The following PARP11 variants were observed in gnomAD, a reference collection of about 807,000 sequenced individuals.
The protein encoded by PARP11 is protein mono-ADP-ribosyltransferase PARP11.
PARP11 carries 31 observed loss-of-function variants against 42.9 expected under a neutral mutation model. That is an observed-to-expected ratio of 0.72 (90% CI 0.54 to 0.98). PARP11 has a LOEUF of 0.98. Ranked by LOEUF, PARP11 falls within the 50% of genes least tolerant of loss-of-function variation. The pLI, the probability that PARP11 is intolerant of heterozygous loss-of-function variation, is 0.00. For synonymous variants in PARP11, 137 were observed against 127.3 expected (o/e 1.08, Z -0.51); for missense variants, 365 against 413.1 (o/e 0.88, Z 1.01).
intron 1 of PARP11, among the ~76,000 whole-genome samples, chr12:3,852,432 G>T (rs926433493): frequency 1.3e-5 from 2 of 152,190 alleles, no homozygotes; most frequent in African/African-American, 4.8e-5. Context: ...CAGTGTAAGA[G>T]AAGACCTTAA....
intron 1 of PARP11, among the ~76,000 whole-genome samples, chr12:3,831,156 T>C (rs1455540936): frequency 1.3e-5 from 2 of 152,176 alleles, no homozygotes; most frequent in Non-Finnish European, 2.9e-5. Flanking sequence ...AGCTAAAGAC[T>C]TTTTTAACCA....
rs1947133112 is a variant in PARP11 at position 3,809,807 on chromosome 12, G to A, written c.*2316C>T. On this transcript the variant is annotated 3_prime_UTR_variant, in exon 8 of 8. Transcript: ENST00000228820. Reference sequence around the variant, plus strand: ...ATGCTGCCTCTCACAAAGCAGCCTAGTGACTTTGTCTCCAATTATTTTCAT... The same window carrying A: ...ATGCTGCCTCTCACAAAGCAGCCTAATGACTTTGTCTCCAATTATTTTCAT... The A allele has an allele frequency of 6.6e-6, 1 of 152,184 alleles. No individual in the cohort carries two copies. The highest frequency in any genetic ancestry group is 2.4e-5 in the African/African-American group (1 of 41,438). 9.4% of individuals were successfully genotyped at this position (152,184 alleles called of 1,614,324 possible).
At chr12:3,841,043 CT>C in intron 1 of PARP11, 1 of 1,586,956 alleles carries the variant, frequency 6.3e-7, no homozygotes. Context: ...ACTTTGACCC[CT>C]GGACCTGATT....
intron 2 of PARP11, 31 bp from the exon 3 acceptor site, chr12:3,829,061 C>G: frequency 6.2e-7 from 1 of 1,612,094 alleles, no homozygotes; most frequent in Non-Finnish European, 8.5e-7. Flanking sequence ...TTTCATTTAC[C>G]AGCTGTTCAC....
intron 1 of PARP11, chr12:3,839,764 G>A (rs1947848786): frequency 1.2e-5 from 14 of 1,130,808 alleles, no homozygotes; most frequent in Non-Finnish European, 1.8e-5. Context: ...TGTGTATCCC[G>A]TAAAGTATAA....
At chr12:3,817,372 T>A (rs2065919825) in intron 6 of PARP11, among the ~76,000 whole-genome samples, 1 of 152,128 alleles carries the variant, frequency 6.6e-6, no homozygotes, top group South Asian at 2.1e-4. Context: ...GGTGCATATA[T>A]ACCAGTTGAA....
At chr12:3,815,082 G>A (rs1456831843) in intron 6 of PARP11, 1 of 456,558 alleles carries the variant, frequency 2.2e-6, no homozygotes, top group South Asian at 1.5e-5. Context: ...AATGTGACAA[G>A]TATCAAAATG....
At chr12:3,866,169 C>T (rs552894717) in intron 1 of PARP11, among the ~76,000 whole-genome samples, 5 of 152,228 alleles carry the variant, frequency 3.3e-5, no homozygotes, top group Admixed American at 2.6e-4. Flanking sequence ...ATTACTAAAT[C>T]CTATGCTCTT....
chr12:3,829,849 GA>G (rs1947600465), intron 2 of PARP11, 40 bp downstream of exon 2: 23 of 1,604,462 alleles, frequency 1.4e-5, no homozygotes, highest in Non-Finnish European at 2.0e-5. Context: ...GATGCTAAGT[GA>G]ATCGAAAACA....
chr12:3,829,878 G>C lies in PARP11; in HGVS notation c.147+12C>G, dbSNP rs1486124206. 3 of 1,613,528 alleles carry C rather than the reference G, an allele frequency of 1.9e-6. No homozygotes were observed. Among genetic ancestry groups the C allele is most frequent in the Non-Finnish European group, 2.5e-6 (3 of 1,179,648 alleles). ...CGAAAACACTTCTGCTAAATTAAAG[G>C]AAAGGAGGTACCTGAAACATGTGCC... is the stretch of plus-strand genomic sequence containing the variant. On this transcript the variant is annotated intron_variant, in intron 2 of 7. Coordinates refer to ENST00000228820, the MANE Select transcript of PARP11 (RefSeq NM_020367.6).
At chr12:3,817,003 A>T (rs565296512) in intron 6 of PARP11, among the ~76,000 whole-genome samples, 12 of 152,218 alleles carry the variant, frequency 7.9e-5, no homozygotes, top group East Asian at 7.7e-4. Flanking sequence ...CATCCTAGCT[A>T]ACATGGTGAA....
chr12:3,861,663 T>A lies in PARP11; in HGVS notation c.18+11549A>T, dbSNP rs1046918393. 6.6e-6 allele frequency among the ~76,000 whole-genome samples: 1 copy of A among 152,226 alleles called. No homozygotes were observed. The highest frequency in any genetic ancestry group is 1.5e-5 in the Non-Finnish European group (1 of 68,034). On this transcript the variant is annotated intron_variant, in intron 1 of 7. Transcript: ENST00000228820. This position sits in a 1 kb window ranked among gnomAD's most constrained non-coding sequence, Gnocchi z 4.6. Reference sequence around the variant, plus strand: ...GCATGTTTTCAACAGCAGAAGTTTTTAATTTTGATAAAGTCTGTTTTATCA... The same window carrying A: ...GCATGTTTTCAACAGCAGAAGTTTTAAATTTTGATAAAGTCTGTTTTATCA...
chr12:3,852,157 A>G (rs1168254415), intron 1 of PARP11, among the ~76,000 whole-genome samples: 1 of 152,262 alleles, frequency 6.6e-6, no homozygotes, highest in East Asian at 1.9e-4. Context: ...CCAAAGGTAG[A>G]TAAAACCACA....
chr12:3,843,946 C>T (rs1165881264), intron 1 of PARP11, among the ~76,000 whole-genome samples: 3 of 152,146 alleles, frequency 2.0e-5, no homozygotes, highest in Non-Finnish European at 4.4e-5. Flanking sequence ...AAACCAGATG[C>T]GGTGACTTTC....
At chr12:3,815,266 C>T (rs1371368431) in intron 6 of PARP11, among the ~76,000 whole-genome samples, 1 of 152,222 alleles carries the variant, frequency 6.6e-6, no homozygotes, top group East Asian at 1.9e-4. Flanking sequence ...CACAGCATCA[C>T]GTGCTCACTT....
rs1026959128 is a variant in PARP11, at chr12:3,809,398, C to G, written c.*2725G>C. ...ACATTCTCAGACCAAACAACAACAA[C>G]AAGCCCCAAAAAACCGGTATAGTAC... On this transcript the variant is annotated 3_prime_UTR_variant, in exon 8 of 8. Transcript: ENST00000228820. The G allele has an allele frequency of 6.6e-6, 1 of 152,144 alleles. No individual in the cohort carries two copies. The highest frequency in any genetic ancestry group is 1.5e-5 in the Non-Finnish European group (1 of 68,010). The allele number at this position is 152,144 out of a possible 1,614,324, so 9.4% of individuals were successfully genotyped here.
chr12:3,822,232 A>C (rs1947410447), intron 4 of PARP11, 75 bp from the exon 5 acceptor site: 2 of 1,094,410 alleles, frequency 1.8e-6, no homozygotes, highest in Non-Finnish European at 1.4e-6. Flanking sequence ...CCCTTCTTCA[A>C]AGCTTAATTT....
intron 1 of PARP11, among the ~76,000 whole-genome samples, chr12:3,865,086 A>G (rs1242793938): frequency 6.6e-6 from 1 of 151,904 alleles, no homozygotes; most frequent in Non-Finnish European, 1.5e-5. Flanking sequence ...CATACTTTCT[A>G]TTTTCTCTTT....
In PARP11 at chr12:3,814,166, T is replaced by C; in HGVS notation, c.571A>G (p.Lys191Glu). The change falls in exon 7 of 8, where the codon AAA (lysine) becomes GAA (glutamate). Residue 191 changes from lysine (K) to glutamate (E), a missense_variant. Lys to Glu is a moderately conservative substitution (Grantham distance 56, BLOSUM62 1). Transcript: ENST00000228820. ...FCRKKAQLKKKRGVPQINEQM... is the reference protein window; with the variant it reads ...FCRKKAQLKKERGVPQINEQM... Reference sequence around the variant, plus strand: ...TCATTAATCTGAGGCACACCTCTTTTTTTCTTGAGCTGAGCCTTTTTCCTA... The same window carrying C: ...TCATTAATCTGAGGCACACCTCTTTCTTTCTTGAGCTGAGCCTTTTTCCTA... 1 of 1,603,828 alleles carries C rather than the reference T, an allele frequency of 6.2e-7. No individual in the cohort carries two copies.
Sources: allele counts gnomAD v4.1 joint callset (sites outside exome capture counted in the v4.1 genomes callset), GRCh38; gene constraint gnomAD v4.1.1; non-coding constraint Gnocchi (gnomAD v3.1); transcripts MANE v1.5; gene names NCBI Gene and HGNC (gene_info 2026-07-23, HGNC 2026-07-21).